The following MOCS2 variants were observed in gnomAD, a reference collection of about 807,000 sequenced individuals.
MOCS2 encodes the protein molybdopterin synthase catalytic subunit.
MOCS2 carries 13 observed loss-of-function variants against 21.9 expected under a neutral mutation model. The ratio of observed to expected loss-of-function variants is 0.59; its 90% CI spans 0.39 to 0.94. MOCS2 has a LOEUF of 0.94. Among genes scored for constraint, MOCS2 ranks in the 40% least tolerant of loss-of-function variants. The pLI is 0.00. For synonymous variants in MOCS2, 92 were observed against 80.8 expected (o/e 1.14, Z -0.74); for missense variants, 227 against 218.3 (o/e 1.04, Z -0.25).
At chr5:53,099,686 T>A (rs900386822) in intron 6 of MOCS2, among the ~76,000 whole-genome samples, 1 of 152,224 alleles carries the variant, frequency 6.6e-6, no homozygotes, top group Admixed American at 6.5e-5. Flanking sequence ...GAAGTGCCCT[T>A]TAAAAGCCCT....
intron 2 of MOCS2, chr5:53,107,771 A>G (rs1741092604): frequency 6.5e-6 from 1 of 153,112 alleles, no homozygotes; most frequent in African/African-American, 2.4e-5. Context: ...CGTATACAAG[A>G]CCTGCTGTCT....
At chr5:53,102,368 A>T in intron 3 of MOCS2, 144 bp from the exon 4 acceptor site, 1 of 808,372 alleles carries the variant, frequency 1.2e-6, no homozygotes. Flanking sequence ...AGTTTACATG[A>T]GTCAAATCAA....
At chr5:53,098,796 C>T (rs2233220) in intron 6 of MOCS2, 129 bp from the exon 7 acceptor site, 27,314 of 736,188 alleles carry the variant, frequency 0.037, 604 homozygotes, top group East Asian at 0.085. Flanking sequence ...ACAATCATGA[C>T]GAGAGACATC....
At chr5:53,098,825 G>A (rs1206426245) in intron 6 of MOCS2, 158 bp from the exon 7 acceptor site, 3 of 647,004 alleles carry the variant, frequency 4.6e-6, no homozygotes, top group Non-Finnish European at 8.3e-6. Context: ...GGTTACATAG[G>A]GGAAGACAGA....
At chr5:53,099,783 A>G (rs1278046324) in intron 6 of MOCS2, among the ~76,000 whole-genome samples, 1 of 152,148 alleles carries the variant, frequency 6.6e-6, no homozygotes, top group Non-Finnish European at 1.5e-5. Context: ...GCAATTCTAG[A>G]CAATTCTAGA....
intron 6 of MOCS2, among the ~76,000 whole-genome samples, chr5:53,100,189 G>A (rs1211404405): frequency 6.6e-6 from 1 of 152,116 alleles, no homozygotes; most frequent in Non-Finnish European, 1.5e-5. Context: ...GTCCAGACTA[G>A]GAATTCTCAC....
intron 3 of MOCS2, among the ~76,000 whole-genome samples, chr5:53,104,632 G>A (rs1741002331): frequency 6.6e-6 from 1 of 152,118 alleles, no homozygotes; most frequent in Non-Finnish European, 1.5e-5. Context: ...GCCTGAGAAA[G>A]AAGCCTAGTG....
intron 3 of MOCS2, among the ~76,000 whole-genome samples, chr5:53,103,241 A>C (rs1740965239): frequency 6.6e-6 from 1 of 152,222 alleles, no homozygotes; most frequent in Non-Finnish European, 1.5e-5. Context: ...TATTAACATG[A>C]TCACTAAAAT....
intron 1 of MOCS2, among the ~76,000 whole-genome samples, 178 bp downstream of exon 1, chr5:53,109,073 T>C (rs2112093792): frequency 6.6e-6 from 1 of 152,344 alleles, no homozygotes; most frequent in South Asian, 2.1e-4. Context: ...TCAAATGACC[T>C]TAGATTCCGG....
At position 53,100,724 on chromosome 5, in the gene MOCS2, G is replaced by A. The variant is rs1740887089; in HGVS notation, c.378-190C>T. On this transcript the variant is annotated intron_variant, in intron 5 of 6. Transcript: ENST00000396954. The stretch of plus-strand genomic sequence containing the variant: ...GCATTCAGCAGAGGCAGTAGATGAG[G>A]CTGATGCTACAGCTAATTTGTTAGA... The A allele has an allele frequency of 8.4e-6, 5 of 591,808 alleles. 1 individual carries two copies. The East Asian group carries it at 1.2e-4, about 15-fold the overall frequency. 36.7% of individuals were successfully genotyped at this position (591,808 alleles called of 1,614,324 possible). A position where few individuals can be genotyped will look rare whatever the true frequency, so the allele number is the denominator to read the frequency against.
rs1740904878 is a variant in MOCS2, at chr5:53,101,454, T to G, written c.282A>C (p.Ala94=). 1 of 1,612,736 alleles carries G rather than the reference T, an allele frequency of 6.2e-7. No homozygotes were observed. The highest frequency in any genetic ancestry group is 1.3e-5 in the African/African-American group (1 of 74,896). The change falls in exon 5 of 7, where the codon GCA becomes GCC. Residue 94 remains alanine, a synonymous_variant. Coordinates refer to ENST00000396954, the MANE Select transcript of MOCS2 (RefSeq NM_004531.5). The part of the protein sequence containing the change: ...GKKVISLEYE[A]YLPMAENEVR... ...CTTCATTTTCCGCCATGGGTAGATATGCTTCATATTCTAAGCTAATGACTT... is the reference window on the plus strand; with the variant it reads ...CTTCATTTTCCGCCATGGGTAGATAGGCTTCATATTCTAAGCTAATGACTT...
chr5:53,100,448 A>C lies in MOCS2; in HGVS notation c.464T>G (p.Ile155Ser). The C allele has an allele frequency of 1.9e-6, 3 of 1,613,934 alleles. No homozygotes were observed. Among genetic ancestry groups the C allele is most frequent in the Non-Finnish European group, 2.5e-6 (3 of 1,179,858 alleles). ...AASLEAVSYA[I>S]DTLKAKVPIW... Reference sequence around the variant, plus strand: ...GGGCACCTTGGCTTTTAAAGTATCAATGGCATAGCTCACAGCTTCAAGAGA... The same window carrying C: ...GGGCACCTTGGCTTTTAAAGTATCACTGGCATAGCTCACAGCTTCAAGAGA... Residue 155 changes from isoleucine to serine, a missense_variant, in exon 6 of 7, where the codon ATT becomes AGT. Coordinates refer to ENST00000396954, the MANE Select transcript of MOCS2 (RefSeq NM_004531.5).
intron 3 of MOCS2, 122 bp from the exon 4 acceptor site, chr5:53,102,346 G>T: frequency 1.0e-6 from 1 of 964,668 alleles, no homozygotes; most frequent in Non-Finnish European, 1.5e-6. Flanking sequence ...AAGAGGCTGT[G>T]GCACAAAATA....
intron 3 of MOCS2, 48 bp from the exon 4 acceptor site, chr5:53,102,272 A>C (rs772738427): frequency 6.5e-7 from 1 of 1,542,790 alleles, no homozygotes; most frequent in Non-Finnish European, 8.9e-7. Flanking sequence ...TAGGGGTAAA[A>C]CACTCAACAA....
chr5:53,102,126 G>C lies in MOCS2; in HGVS notation c.197C>G (p.Pro66Arg). The C allele has an allele frequency of 6.2e-7, 1 of 1,613,690 alleles. No individual in the cohort carries two copies. The highest frequency in any genetic ancestry group is 8.5e-7 in the Non-Finnish European group (1 of 1,179,768). Residue 66 changes from proline (P) to arginine (R), a missense_variant, in exon 4 of 7, where the codon CCG becomes CGG. Transcript: ENST00000396954. ...VDEVSQLVIS[P>R]LCGAISLFVG... is the part of the protein sequence containing the mutation. The stretch of plus-strand genomic sequence containing the variant: ...AAATAGGGATATTGCACCACAGAGC[G>C]GAGAAATCACCAACTGTGAGACTTC...
chr5:53,104,995 G>A (rs553597171), intron 3 of MOCS2, among the ~76,000 whole-genome samples: 1 of 152,216 alleles, frequency 6.6e-6, no homozygotes, highest in South Asian at 2.1e-4. Context: ...CAATGTTCTT[G>A]TACATTATCC....
rs1740731734 is a variant in MOCS2 at position 53,096,361 on chromosome 5, A to C, written c.*2241T>G. 1 of 152,228 alleles carries C rather than the reference A, an allele frequency of 6.6e-6. No individual in the cohort carries two copies. Among genetic ancestry groups the C allele is most frequent in the African/African-American group, 2.4e-5 (1 of 41,450 alleles). 9.4% of individuals were successfully genotyped at this position (152,228 alleles called of 1,614,324 possible). A position where few individuals can be genotyped will look rare whatever the true frequency, so the allele number is the denominator to read the frequency against. On this transcript the variant is annotated 3_prime_UTR_variant, in exon 7 of 7. Coordinates refer to ENST00000396954, the MANE Select transcript of MOCS2 (RefSeq NM_004531.5). ...TGATAAAAATCAATTTCATTTTACC[A>C]CCTGTTCAAAAATACTTGAAACATA...
chr5:53,107,292 G>T, intron 2 of MOCS2, 71 bp from the exon 3 acceptor site: 1 of 1,350,226 alleles, frequency 7.4e-7, no homozygotes, highest in Non-Finnish European at 1.0e-6. Context: ...GCTGCAATTA[G>T]AGATATTACA....
chr5:53,101,417 A>C lies in MOCS2; in HGVS notation c.319T>G (p.Cys107Gly), dbSNP rs2112083286. The part of the protein sequence containing the change: ...PMAENEVRKI[C>G]SDIRQKWPVK... ...GGCCATTTCTGCCTAATGTCACTACAAATCTTTCTGACTTCATTTTCCGCC... is the reference window on the plus strand; with the variant it reads ...GGCCATTTCTGCCTAATGTCACTACCAATCTTTCTGACTTCATTTTCCGCC... The change falls in exon 5 of 7, where the codon TGT becomes GGT. Residue 107 changes from cysteine (C) to glycine (G), a missense_variant. Cys to Gly is a radical substitution (Grantham distance 159). Transcript: ENST00000396954. 1 of 1,613,986 alleles carries C rather than the reference A, an allele frequency of 6.2e-7. No individual in the cohort carries two copies. The highest frequency in any genetic ancestry group is 8.5e-7 in the Non-Finnish European group (1 of 1,179,930).
Sources: allele counts gnomAD v4.1 joint callset (sites outside exome capture counted in the v4.1 genomes callset), GRCh38; gene constraint gnomAD v4.1.1; transcripts MANE v1.5; gene names NCBI Gene and HGNC (gene_info 2026-07-23, HGNC 2026-07-21).